Variants in CREB3L2 observed in about 807,000 individuals in gnomAD.
CREB3L2 encodes cyclic AMP-responsive element-binding protein 3-like protein 2.
In CREB3L2, 23 loss-of-function variants were observed where a neutral mutation model predicts 57.2. That is an observed-to-expected ratio of 0.40 (90% CI 0.29 to 0.57). CREB3L2 has a LOEUF of 0.57. Ranked by LOEUF, CREB3L2 falls within the 20% of genes least tolerant of loss-of-function variation. The probability of loss-of-function intolerance (pLI) is 0.42; values close to 1 mark genes in which losing one functional copy is unlikely to be tolerated. For synonymous variants in CREB3L2, 268 were observed against 265.1 expected, an observed-to-expected ratio of 1.01 and a Z score of -0.11; for missense variants, 628 against 634.7, an observed-to-expected ratio of 0.99 and a Z score of 0.11.
rs142925041 is a variant in CREB3L2 at position 137,926,282 on chromosome 7, G to A, written c.319+1868C>T. ...TGCTGCTATAAAGACACATGCACGC[G>A]TATGTTTATTGCAGCACTATTTACA... is the stretch of plus-strand genomic sequence containing the variant. On this transcript the variant is annotated intron_variant, in intron 2 of 11. Transcript: ENST00000330387. 4.5e-3 allele frequency among the ~76,000 whole-genome samples: 681 copies of A among 152,224 alleles called. 4 individuals are homozygous for A. Among genetic ancestry groups the A allele is most frequent in the African/African-American group, 0.015 (634 of 41,516 alleles).
chr7:137,939,877 A>G (rs575895835), intron 1 of CREB3L2, among the ~76,000 whole-genome samples: 2 of 152,196 alleles, frequency 1.3e-5, no homozygotes, highest in Non-Finnish European at 1.5e-5. Flanking sequence ...CCACAAGCCA[A>G]GGCCAAAAAA....
At position 137,875,584 on chromosome 7, in the gene CREB3L2, G is replaced by A. The variant is rs61280276; in HGVS notation, c.*4892C>T. The stretch of plus-strand genomic sequence containing the variant: ...GGACTGCTCCAGCACGAAGGGAAGC[G>A]ATGAGCATCACACAGCAGGGCCATT... On this transcript the variant is annotated 3_prime_UTR_variant, in exon 12 of 12. Transcript: ENST00000330387. The A allele has an allele frequency of 4.6e-3, 1,042 of 224,594 alleles. 13 individuals carry two copies. The highest frequency in any genetic ancestry group is 0.016 in the African/African-American group (710 of 45,012). The allele number at this position is 224,594 out of a possible 1,614,324, so 13.9% of individuals were successfully genotyped here.
intron 4 of CREB3L2, among the ~76,000 whole-genome samples, chr7:137,908,703 G>T (rs1367447883): frequency 2.0e-5 from 3 of 152,214 alleles, no homozygotes; most frequent in Non-Finnish European, 2.9e-5. Context: ...GCCAGGCAAG[G>T]TGGCTCATGG....
chr7:137,918,465 G>A (rs1291964172), intron 2 of CREB3L2, among the ~76,000 whole-genome samples: 1 of 152,126 alleles, frequency 6.6e-6, no homozygotes, highest in Non-Finnish European at 1.5e-5. Flanking sequence ...ACAGGTGTGA[G>A]CCACCGTGAA....
chr7:137,974,560 A>G (rs2117305710), intron 1 of CREB3L2, among the ~76,000 whole-genome samples: 1 of 152,326 alleles, frequency 6.6e-6, no homozygotes, highest in East Asian at 1.9e-4. Flanking sequence ...TGGGGATGAC[A>G]CGAAAGAGAG....
At chr7:137,944,915 C>T (rs1029028742) in intron 1 of CREB3L2, among the ~76,000 whole-genome samples, 2 of 151,442 alleles carry the variant, frequency 1.3e-5, no homozygotes, top group African/African-American at 4.9e-5. Flanking sequence ...TTTTTTGAGA[C>T]AGAGTCTTGC....
chr7:137,969,750 A>C (rs1375440582), intron 1 of CREB3L2, among the ~76,000 whole-genome samples: 2 of 139,062 alleles, frequency 1.4e-5, no homozygotes, highest in African/African-American at 2.7e-5. Context: ...ACTAACTTTC[A>C]AGGGTCATCA....
intron 1 of CREB3L2, among the ~76,000 whole-genome samples, chr7:138,000,768 G>C (rs1475803086): frequency 6.6e-6 from 1 of 151,922 alleles, no homozygotes; most frequent in Non-Finnish European, 1.5e-5. Context: ...GATCAGTGCT[G>C]GCTATTGAAA....
chr7:137,994,325 T>C (rs1801948783), intron 1 of CREB3L2, among the ~76,000 whole-genome samples: 3 of 152,242 alleles, frequency 2.0e-5, no homozygotes. Flanking sequence ...AACAGCCATA[T>C]GCAACTGGAA....
intron 8 of CREB3L2, among the ~76,000 whole-genome samples, chr7:137,887,758 C>T (rs1270401297): frequency 1.3e-5 from 2 of 151,966 alleles, no homozygotes; most frequent in Non-Finnish European, 2.9e-5. Context: ...GACATTTTCC[C>T]CAGGTATAGT....
At chr7:137,950,997 T>C (rs1379808648) in intron 1 of CREB3L2, among the ~76,000 whole-genome samples, 1 of 152,194 alleles carries the variant, frequency 6.6e-6, no homozygotes, top group African/African-American at 2.4e-5. Context: ...TCAATACTTG[T>C]GGCACTTTCA....
intron 4 of CREB3L2, 116 bp from the exon 5 acceptor site, chr7:137,908,552 T>A (rs1458037209): frequency 7.6e-6 from 5 of 654,624 alleles, no homozygotes; most frequent in Non-Finnish European, 1.1e-5. Flanking sequence ...TGGACAGATC[T>A]CCAAGGTGCA....
chr7:137,995,626 C>A (rs1801978351), intron 1 of CREB3L2, among the ~76,000 whole-genome samples: 1 of 152,176 alleles, frequency 6.6e-6, no homozygotes, highest in Non-Finnish European at 1.5e-5. Flanking sequence ...AGCCACCGCG[C>A]CCGGCCAGGG....
intron 1 of CREB3L2, among the ~76,000 whole-genome samples, chr7:137,964,041 G>A (rs989279996): frequency 5.3e-5 from 8 of 152,324 alleles, no homozygotes; most frequent in African/African-American, 1.9e-4. Flanking sequence ...GCGGCCAGGC[G>A]CGGTGGCTCA....
At chr7:137,983,595 C>T (rs1405737356) in intron 1 of CREB3L2, among the ~76,000 whole-genome samples, 1 of 152,216 alleles carries the variant, frequency 6.6e-6, no homozygotes, top group Non-Finnish European at 1.5e-5. Context: ...AGTATTTTTA[C>T]ACACCATTGT....
At chr7:137,901,793 C>A (rs561870957) in intron 7 of CREB3L2, among the ~76,000 whole-genome samples, 1 of 139,972 alleles carries the variant, frequency 7.1e-6, no homozygotes, top group Non-Finnish European at 1.5e-5. Context: ...GCAGGAGAAT[C>A]GCTTGAACCC....
At chr7:137,928,057 G>T in intron 2 of CREB3L2, 93 bp downstream of exon 2, 1 of 970,864 alleles carries the variant, frequency 1.0e-6, no homozygotes, top group Non-Finnish European at 1.6e-6. Flanking sequence ...TAAGGGTGCT[G>T]ACACCCTCTT....
intron 1 of CREB3L2, among the ~76,000 whole-genome samples, chr7:137,945,478 A>G (rs2117263399): frequency 6.6e-6 from 1 of 152,354 alleles, no homozygotes; most frequent in East Asian, 1.9e-4. Context: ...ACTAGAGACA[A>G]TATTTTCTGC....
At position 137,980,345 on chromosome 7, in the gene CREB3L2, C is replaced by T. The variant is rs1422790081; in HGVS notation, c.102+21259G>A. 1.3e-5 allele frequency among the ~76,000 whole-genome samples: 2 copies of T among 152,188 alleles called. No individual in the cohort carries two copies. Among genetic ancestry groups the T allele is most frequent in the African/African-American group, 4.8e-5 (2 of 41,448 alleles). On this transcript the variant is annotated intron_variant, in intron 1 of 11. Transcript: ENST00000330387. This position sits in a 1 kb window ranked among gnomAD's most constrained non-coding sequence, Gnocchi z 4.3. ...GCTCCCAGGTAAGTGTGATGTGCAG[C>T]CAAGACTGAGACTCTTTGCTCTAGA...
Sources: gnomAD v4.1 joint callset for allele counts (sites outside exome capture counted in the v4.1 genomes callset) on GRCh38, gnomAD v4.1.1 for gene constraint, Gnocchi (gnomAD v3.1) non-coding constraint, MANE v1.5 for transcripts, NCBI Gene and HGNC (gene_info 2026-07-23, HGNC 2026-07-21) for gene names.